Variants in CCDC85C observed in about 807,000 individuals in gnomAD.
CCDC85C encodes coiled-coil domain-containing protein 85C.
A neutral mutation model predicts 38.3 loss-of-function variants in CCDC85C; 18 were observed. The observed-to-expected ratio is 0.47, with a 90% CI of 0.33 to 0.70. The LOEUF (loss-of-function observed/expected upper bound fraction) is 0.70, where lower values mean the gene tolerates loss of function less well. CCDC85C is among the 30% of genes least tolerant of loss of function. The pLI is 0.03. For synonymous variants in CCDC85C, 264 were observed against 293.8 expected, an observed-to-expected ratio of 0.90 and a Z score of 1.04; for missense variants, 566 against 621.2, an observed-to-expected ratio of 0.91 and a Z score of 0.94.
Position 99,536,058 on chromosome 14 carries a change from T to G in CCDC85C, c.824A>C (p.Glu275Ala). 1 of 1,551,538 alleles carries G rather than the reference T, an allele frequency of 6.4e-7. No homozygotes were observed. The highest frequency in any genetic ancestry group is 8.7e-7 in the Non-Finnish European group (1 of 1,146,884). ...ACCCTCCAGCAGCCTCACTTTGCTCTCCAGTTGCCTGATGTAGGTGGATGA... is the reference window on the plus strand; with the variant it reads ...ACCCTCCAGCAGCCTCACTTTGCTCGCCAGTTGCCTGATGTAGGTGGATGA... ...DPSSTYIRQLESKVRLLEGDK... is the reference protein window; with the variant it reads ...DPSSTYIRQLASKVRLLEGDK... Residue 275 changes from glutamate (E) to alanine (A), a missense_variant, in exon 2 of 6, where the codon GAG becomes GCG. Physicochemically the swap from Glu to Ala is moderately radical, Grantham distance 107 (BLOSUM62 -1). Coordinates refer to ENST00000380243, the MANE Select transcript of CCDC85C (RefSeq NM_001144995.2).
rs1219500580 is a variant in CCDC85C at position 99,512,556 on chromosome 14, C to T, written c.*2690G>A. 1 of 152,174 alleles carries T rather than the reference C, an allele frequency of 6.6e-6. No individual in the cohort carries two copies. Among genetic ancestry groups the T allele is most frequent in the Admixed American group, 6.5e-5 (1 of 15,292 alleles). The allele number at this position is 152,174 out of a possible 1,614,324, so 9.4% of individuals were successfully genotyped here. On this transcript the variant is annotated 3_prime_UTR_variant, in exon 6 of 6. Transcript: ENST00000380243. ...ACTTGGATAAAAAGGTGCCACCCTACAAAATGTGCTCAGCATGTTCTGAGG... is the reference window on the plus strand; with the variant it reads ...ACTTGGATAAAAAGGTGCCACCCTATAAAATGTGCTCAGCATGTTCTGAGG...
intron 1 of CCDC85C, among the ~76,000 whole-genome samples, chr14:99,581,092 G>A (rs549761083): frequency 1.3e-5 from 2 of 152,266 alleles, no homozygotes; most frequent in African/African-American, 4.8e-5. Flanking sequence ...AGGCCAGCTG[G>A]GAGGCTGGTT....
At chr14:99,562,043 T>A (rs1380764890) in intron 1 of CCDC85C, among the ~76,000 whole-genome samples, 1 of 152,066 alleles carries the variant, frequency 6.6e-6, no homozygotes, top group Non-Finnish European at 1.5e-5. Context: ...GCTCCACCTA[T>A]TCACGGAAAT....
chr14:99,559,743 G>A lies in CCDC85C; in HGVS notation c.794-23655C>T, dbSNP rs11848081. Among the ~76,000 whole-genome samples the A allele has an allele frequency of 7.9e-3, 1,209 of 152,288 alleles. 16 individuals are homozygous for A. The highest frequency in any genetic ancestry group is 0.028 in the African/African-American group (1,146 of 41,540). On this transcript the variant is annotated intron_variant, in intron 1 of 5. Coordinates refer to ENST00000380243, the MANE Select transcript of CCDC85C (RefSeq NM_001144995.2). ...GTTAACCCGCTTGCAGGGTTGTGAT[G>A]TAGCCACTGACAGGGTGGCTGCAGA...
At chr14:99,546,821 GCCTCACA>G (rs1897816660) in intron 1 of CCDC85C, among the ~76,000 whole-genome samples, 2 of 152,072 alleles carry the variant, frequency 1.3e-5, no homozygotes, top group South Asian at 4.2e-4. Context: ...CTCTATCTCA[GCCTCACA>G]CCATATACAG....
At chr14:99,547,212 T>A (rs552053653) in intron 1 of CCDC85C, among the ~76,000 whole-genome samples, 1 of 151,884 alleles carries the variant, frequency 6.6e-6, no homozygotes, top group Non-Finnish European at 1.5e-5. Context: ...CATAAAATAA[T>A]AAAAATAACA....
At chr14:99,578,050 AGTGT>A (rs145972098) in intron 1 of CCDC85C, among the ~76,000 whole-genome samples, 6 of 71,420 alleles carry the variant, frequency 8.4e-5, no homozygotes, top group African/African-American at 1.2e-4. Context: ...CCCCCATCAG[AGTGT>A]GTGTGTGTGT....
rs1473687871 is a variant in CCDC85C, at chr14:99,569,770, G to A, written c.793+33397C>T. On this transcript the variant is annotated intron_variant, in intron 1 of 5. Transcript: ENST00000380243. This position sits in a 1 kb window ranked among gnomAD's most constrained non-coding sequence, Gnocchi z 4.3. The stretch of plus-strand genomic sequence containing the variant: ...GGTGCAATGCTCCAAGGCGACGCAG[G>A]GAGGGATCTAGACCCAGGCAGGACT... 6.6e-6 allele frequency among the ~76,000 whole-genome samples: 1 copy of A among 152,166 alleles called. No homozygotes were observed. Among genetic ancestry groups the A allele is most frequent in the Admixed American group, 6.5e-5 (1 of 15,280 alleles).
At position 99,502,981 on chromosome 14, in the gene CCDC85C, C is replaced by T. The variant is rs765452231; in HGVS notation, c.*12265G>A. ...GTTCTCCCCGACAGGTTAAGCGAGCCGTGGTGAGTGGGCTAAAGCAGGCCC... is the reference window on the plus strand; with the variant it reads ...GTTCTCCCCGACAGGTTAAGCGAGCTGTGGTGAGTGGGCTAAAGCAGGCCC... On this transcript the variant is annotated 3_prime_UTR_variant, in exon 6 of 6. Coordinates refer to ENST00000380243, the MANE Select transcript of CCDC85C (RefSeq NM_001144995.2). 6.8e-6 allele frequency: 11 copies of T among 1,613,868 alleles called. No homozygotes were observed. Among genetic ancestry groups the T allele is most frequent in the East Asian group, 6.7e-5 (3 of 44,886 alleles).
chr14:99,501,056 G>C lies in CCDC85C; in HGVS notation c.*14190C>G, dbSNP rs1000907875. The C allele has an allele frequency of 1.7e-6, 1 of 605,892 alleles. No individual in the cohort carries two copies. The highest frequency in any genetic ancestry group is 1.9e-5 in the African/African-American group (1 of 53,506). 37.5% of individuals were successfully genotyped at this position (605,892 alleles called of 1,614,324 possible). Reference sequence around the variant, plus strand: ...TGCTGTTTCCTTTTATGTATAAACAGGCTCTGTCATCCAGTTGCCAAGTGA... The same window carrying C: ...TGCTGTTTCCTTTTATGTATAAACACGCTCTGTCATCCAGTTGCCAAGTGA... On this transcript the variant is annotated 3_prime_UTR_variant, in exon 6 of 6. Transcript: ENST00000380243.
At chr14:99,528,009 C>T (rs999171230) in intron 2 of CCDC85C, among the ~76,000 whole-genome samples, 12 of 152,268 alleles carry the variant, frequency 7.9e-5, no homozygotes, top group Middle Eastern at 6.8e-3. Context: ...CTGGAAGTTT[C>T]GCCAGTAATG....
chr14:99,541,327 C>A (rs1047430712), intron 1 of CCDC85C, among the ~76,000 whole-genome samples: 4 of 152,234 alleles, frequency 2.6e-5, no homozygotes, highest in Admixed American at 6.5e-5. Context: ...GAACCCCAGA[C>A]AAGGAGCTGC....
At chr14:99,586,870 C>T (rs2055032609) in intron 1 of CCDC85C, among the ~76,000 whole-genome samples, 1 of 152,180 alleles carries the variant, frequency 6.6e-6, no homozygotes, top group African/African-American at 2.4e-5. Context: ...ATAGCACACC[C>T]CAAATCCCAC....
chr14:99,538,709 A>G (rs1897654491), intron 1 of CCDC85C, among the ~76,000 whole-genome samples: 1 of 152,246 alleles, frequency 6.6e-6, no homozygotes, highest in Non-Finnish European at 1.5e-5. Flanking sequence ...CTGCCCCGTC[A>G]GCCTCAGCAC....
In CCDC85C at chr14:99,603,819, C is replaced by T. The variant is rs1217011281; in HGVS notation, c.141G>A (p.Leu47=). The change falls in exon 1 of 6, where the codon CTG becomes CTA. Residue 47 remains leucine (L), a synonymous_variant. Transcript: ENST00000380243. The surrounding 1 kb of genome is among the most constrained non-coding windows in gnomAD (Gnocchi z 7.5). ...CGTCGCGCATCAGGCCGCCGTGCTC[C>T]AGCATGAGGCCCACCTTCTCGCCCT... ...RAEGEKVGLM[L]EHGGLMRDVN... 10 of 1,524,856 alleles carry T rather than the reference C, an allele frequency of 6.6e-6. No homozygotes were observed. The highest frequency in any genetic ancestry group is 2.0e-5 in the Admixed American group (1 of 49,960). 94.5% of individuals were successfully genotyped at this position (1,524,856 alleles called of 1,614,324 possible).
rs1449169390 is a variant in CCDC85C at position 99,572,268 on chromosome 14, C to T, written c.793+30899G>A. Among the ~76,000 whole-genome samples the T allele has an allele frequency of 1.3e-5, 2 of 152,214 alleles. No individual in the cohort carries two copies. Among genetic ancestry groups the T allele is most frequent in the Non-Finnish European group, 2.9e-5 (2 of 68,028 alleles). On this transcript the variant is annotated intron_variant, in intron 1 of 5. Transcript: ENST00000380243. The surrounding 1 kb of genome is among the most constrained non-coding windows in gnomAD (Gnocchi z 4.4). The stretch of plus-strand genomic sequence containing the variant: ...GGCCCTCCCCGAGAGTCCCTCCCTC[C>T]CCAGGGATGGGTCTTTTCATGCCAT...
rs1479245407 is a variant in CCDC85C, at chr14:99,516,818, G to A, written c.1071+270C>T. 6.6e-6 allele frequency among the ~76,000 whole-genome samples: 1 copy of A among 152,040 alleles called. No individual in the cohort carries two copies. Among genetic ancestry groups the A allele is most frequent in the East Asian group, 1.9e-4 (1 of 5,188 alleles). ...GCCCCACTCCTGCCCCTCTCTCTCT[G>A]GCCTTAGTTGGGTGCCTGCCCTCCC... On this transcript the variant is annotated intron_variant, in intron 4 of 5. Transcript: ENST00000380243. This position sits in a 1 kb window ranked among gnomAD's most constrained non-coding sequence, Gnocchi z 5.5.
chr14:99,517,373 C>T lies in CCDC85C; in HGVS notation c.976-190G>A, dbSNP rs116870998. ...CCCACAGCCAGTCTGGCCAGTCCCGCCCACCAGGTCTTCTGCAGATGAAAT... is the reference window on the plus strand; with the variant it reads ...CCCACAGCCAGTCTGGCCAGTCCCGTCCACCAGGTCTTCTGCAGATGAAAT... On this transcript the variant is annotated intron_variant, in intron 3 of 5. Coordinates refer to ENST00000380243, the MANE Select transcript of CCDC85C (RefSeq NM_001144995.2). Among the ~76,000 whole-genome samples, 214 of 152,250 alleles carry T rather than the reference C, an allele frequency of 1.4e-3. 2 individuals are homozygous for T. In the East Asian group the frequency reaches 0.035, roughly 25 times the overall value.
At chr14:99,563,143 G>A (rs1243739105) in intron 1 of CCDC85C, among the ~76,000 whole-genome samples, 1 of 152,190 alleles carries the variant, frequency 6.6e-6, no homozygotes, top group Non-Finnish European at 1.5e-5. Context: ...AGGGTAGAGG[G>A]GGATCCTTTG....
Sources: gnomAD v4.1 joint callset for allele counts (sites outside exome capture counted in the v4.1 genomes callset) on GRCh38, gnomAD v4.1.1 for gene constraint, Gnocchi (gnomAD v3.1) non-coding constraint, MANE v1.5 for transcripts, NCBI Gene and HGNC (gene_info 2026-07-23, HGNC 2026-07-21) for gene names.